The following SYT9 variants were observed in gnomAD, a reference collection of about 807,000 sequenced individuals.
SYT9 encodes synaptotagmin 9.
SYT9 carries 22 observed loss-of-function variants against 48.4 expected under a neutral mutation model. The observed-to-expected ratio is 0.45, with a 90% confidence interval of 0.32 to 0.65. The LOEUF (loss-of-function observed/expected upper bound fraction) is 0.65. Among genes scored for constraint, SYT9 ranks in the 30% least tolerant of loss-of-function variants. The pLI is 0.03. For synonymous variants in SYT9, 265 were observed against 245.0 expected (o/e 1.08, Z -0.76); for missense variants, 577 against 622.0 (o/e 0.93, Z 0.77).
intron 3 of SYT9, among the ~76,000 whole-genome samples, chr11:7,366,713 T>TA (rs1201803959): frequency 2.6e-5 from 4 of 152,122 alleles, no homozygotes; most frequent in Non-Finnish European, 4.4e-5. Context: ...CATATATATA[T>TA]TTTTTACATT....
chr11:7,308,405 G>T (rs374929984), intron 2 of SYT9, among the ~76,000 whole-genome samples: 1 of 152,174 alleles, frequency 6.6e-6, no homozygotes, highest in African/African-American at 2.4e-5. Context: ...GAAAGCCCGC[G>T]ATGGAAGGGG....
chr11:7,295,132 A>G (rs1848774488), intron 1 of SYT9, among the ~76,000 whole-genome samples: 1 of 152,194 alleles, frequency 6.6e-6, no homozygotes, highest in African/African-American at 2.4e-5. Flanking sequence ...ATAGACTGAG[A>G]ATTTTCTAAA....
At chr11:7,378,856 C>T (rs1039644337) in intron 3 of SYT9, among the ~76,000 whole-genome samples, 6 of 151,996 alleles carry the variant, frequency 3.9e-5, no homozygotes, top group African/African-American at 9.7e-5. Flanking sequence ...TTCAGGATGA[C>T]GAAGATGCTG....
intron 2 of SYT9, among the ~76,000 whole-genome samples, chr11:7,304,959 A>T (rs1849006340): frequency 6.6e-6 from 1 of 152,172 alleles, no homozygotes; most frequent in Non-Finnish European, 1.5e-5. Flanking sequence ...CCTCCAATAT[A>T]TGGTGGTAGT....
Position 7,252,197 on chromosome 11 carries a change from C to A in SYT9, c.11C>A (p.Ala4Asp). Reference sequence around the variant, plus strand: ...GGATGCGGGGGGGCGATGCCCGGGGCCAGGGACGCGCTCTGTCACCAGGCG... The same window carrying A: ...GGATGCGGGGGGGCGATGCCCGGGGACAGGGACGCGCTCTGTCACCAGGCG... MPGARDALCHQALQ... is the reference protein window; with the variant it reads MPGDRDALCHQALQ... The change falls in exon 1 of 7, where the codon GCC becomes GAC. Residue 4 changes from alanine to aspartate, a missense_variant. Coordinates refer to ENST00000318881, the MANE Select transcript of SYT9 (RefSeq NM_175733.4). The surrounding 1 kb of genome is among the most constrained non-coding windows in gnomAD (Gnocchi z 6.3). 6.8e-7 allele frequency: 1 copy of A among 1,462,368 alleles called. No homozygotes were observed. The highest frequency in any genetic ancestry group is 9.0e-7 in the Non-Finnish European group (1 of 1,107,880). The allele number at this position is 1,462,368 out of a possible 1,614,324, so 90.6% of individuals were successfully genotyped here.
chr11:7,309,475 T>A (rs1329287422), intron 2 of SYT9, among the ~76,000 whole-genome samples: 1 of 152,148 alleles, frequency 6.6e-6, no homozygotes, highest in Non-Finnish European at 1.5e-5. Flanking sequence ...TCAATGTCAT[T>A]GTCCTTGTCA....
chr11:7,446,871 T>C (rs1286415209), intron 6 of SYT9, among the ~76,000 whole-genome samples: 1 of 152,228 alleles, frequency 6.6e-6, no homozygotes, highest in East Asian at 1.9e-4. Flanking sequence ...CAATCACTGC[T>C]GAATCATGAA....
At chr11:7,458,468 T>A (rs1848188256) in intron 6 of SYT9, among the ~76,000 whole-genome samples, 1 of 150,000 alleles carries the variant, frequency 6.7e-6, no homozygotes, top group Non-Finnish European at 1.5e-5. Flanking sequence ...GCAACAAGAG[T>A]GAGACTCCAT....
At chr11:7,411,648 C>T (rs1016584396) in intron 3 of SYT9, among the ~76,000 whole-genome samples, 7 of 152,038 alleles carry the variant, frequency 4.6e-5, no homozygotes, top group Non-Finnish European at 8.8e-5. Context: ...GTTGGAATCC[C>T]CTCTTTATCT....
At chr11:7,273,898 CAG>C (rs1321537847) in intron 1 of SYT9, among the ~76,000 whole-genome samples, 2 of 147,868 alleles carry the variant, frequency 1.4e-5, no homozygotes, top group Non-Finnish European at 2.9e-5. Context: ...CAGGGCCTGT[CAG>C]GGGGTGGGGG....
In SYT9 at chr11:7,269,301, A is replaced by T. The variant is rs185755666; in HGVS notation, c.145+16970A>T. ...AAAAAACATTATATGCCTGCTCCTG[A>T]AATTTTTCATGTGGTTTAAATTTTA... On this transcript the variant is annotated intron_variant, in intron 1 of 6. Coordinates refer to ENST00000318881, the MANE Select transcript of SYT9 (RefSeq NM_175733.4). 1.9e-3 allele frequency among the ~76,000 whole-genome samples: 284 copies of T among 152,238 alleles called. 2 individuals carry two copies. Among genetic ancestry groups the T allele is most frequent in the African/African-American group, 6.3e-3 (261 of 41,562 alleles).
In SYT9 at chr11:7,309,718, C is replaced by A. The variant is rs148175535; in HGVS notation, c.498-3677C>A. Among the ~76,000 whole-genome samples, 11 of 152,288 alleles carry A rather than the reference C, an allele frequency of 7.2e-5. No individual in the cohort carries two copies. In the East Asian group the frequency reaches 1.9e-3, roughly 27 times the overall value. On this transcript the variant is annotated intron_variant, in intron 2 of 6. Coordinates refer to ENST00000318881, the MANE Select transcript of SYT9 (RefSeq NM_175733.4). ...TATTGATTTTCCATTTCCTCCACCC[C>A]CTCTTCTCCTTTACGCCCCTGGGGC...
chr11:7,383,739 A>G (rs1035831375), intron 3 of SYT9, among the ~76,000 whole-genome samples: 6 of 152,234 alleles, frequency 3.9e-5, no homozygotes, highest in Admixed American at 2.6e-4. Flanking sequence ...GAGAATGCGA[A>G]CAGAAAATTG....
intron 3 of SYT9, among the ~76,000 whole-genome samples, chr11:7,385,989 C>T (rs12792657): frequency 0.31 from 46,561 of 152,058 alleles, 8,605 homozygotes; most frequent in Non-Finnish European, 0.42. Flanking sequence ...TCTTCCAACT[C>T]ATAAACATGG....
intron 1 of SYT9, among the ~76,000 whole-genome samples, chr11:7,260,679 C>T (rs897685993): frequency 2.0e-5 from 3 of 152,192 alleles, no homozygotes; most frequent in African/African-American, 7.2e-5. Flanking sequence ...ACTCAGGTTA[C>T]TGGCAAATAT....
At chr11:7,373,777 G>C (rs1472765953) in intron 3 of SYT9, among the ~76,000 whole-genome samples, 1 of 152,038 alleles carries the variant, frequency 6.6e-6, no homozygotes, top group Non-Finnish European at 1.5e-5. Flanking sequence ...CTGGAGGGTG[G>C]GAAAGCCTTA....
chr11:7,329,937 T>C (rs552587454), intron 3 of SYT9, among the ~76,000 whole-genome samples: 17 of 152,250 alleles, frequency 1.1e-4, no homozygotes, highest in African/African-American at 3.6e-4. Flanking sequence ...GTGGAGGTGA[T>C]TCCACAGCTC....
In SYT9 at chr11:7,462,823, G is replaced by T. The variant is rs555863955; in HGVS notation, c.1468-3969G>T. Among the ~76,000 whole-genome samples the T allele has an allele frequency of 9.2e-5, 14 of 152,146 alleles. No individual in the cohort carries two copies. The South Asian group carries it at 2.5e-3, about 27-fold the overall frequency. ...GCCCTTAGGTACTTCCTGTAATAAA[G>T]TCCCATTTTCAGATTCACAGAGAGA... On this transcript the variant is annotated intron_variant, in intron 6 of 6. Transcript: ENST00000318881.
chr11:7,264,977 G>GT (rs1564840600), intron 1 of SYT9, among the ~76,000 whole-genome samples: 1 of 152,036 alleles, frequency 6.6e-6, no homozygotes, highest in Non-Finnish European at 1.5e-5. Flanking sequence ...AAAGCTGGGT[G>GT]TTTTTTAAAG....
Sources: allele counts gnomAD v4.1 joint callset (sites outside exome capture counted in the v4.1 genomes callset), GRCh38; gene constraint gnomAD v4.1.1; non-coding constraint Gnocchi (gnomAD v3.1); transcripts MANE v1.5; gene names NCBI Gene and HGNC (gene_info 2026-07-23, HGNC 2026-07-21).